DENND2B: variants seen among roughly 807,000 people sequenced by gnomAD.
DENND2B encodes the protein DENN domain-containing protein 2B.
A neutral mutation model predicts 116.0 loss-of-function variants in DENND2B; 32 were observed. The ratio of observed to expected loss-of-function variants is 0.28; its 90% CI spans 0.21 to 0.37. The LOEUF (loss-of-function observed/expected upper bound fraction) is 0.37, where lower values mean the gene tolerates loss of function less well. DENND2B is among the 10% of genes least tolerant of loss of function. DENND2B has a pLI of 1.00. For synonymous variants in DENND2B, 588 were observed against 583.9 expected (o/e 1.01, Z -0.10); for missense variants, 1,276 against 1,477.7 (o/e 0.86, Z 2.24).
intron 2 of DENND2B, among the ~76,000 whole-genome samples, chr11:8,734,574 G>C (rs540920776): frequency 6.6e-6 from 1 of 152,008 alleles, no homozygotes; most frequent in Non-Finnish European, 1.5e-5. Flanking sequence ...GATGACCTGA[G>C]GTCAGGAGTT....
At chr11:8,815,949 G>A (rs543243184) in intron 4 of DENND2B, among the ~76,000 whole-genome samples, 1 of 152,308 alleles carries the variant, frequency 6.6e-6, no homozygotes, top group East Asian at 1.9e-4. Flanking sequence ...ATACATATAT[G>A]TAAATCGGAT....
At position 8,711,417 on chromosome 11, in the gene DENND2B, C is replaced by T. The variant is rs555105175; in HGVS notation, c.2173-186G>A. Among the ~76,000 whole-genome samples, 5 of 152,254 alleles carry T rather than the reference C, an allele frequency of 3.3e-5. No homozygotes were observed. In the East Asian group the frequency reaches 9.7e-4, roughly 29 times the overall value. On this transcript the variant is annotated intron_variant, in intron 9 of 19. Transcript: ENST00000313726. ...CATTCATTCATTCAATAAATGCCAG[C>T]GGAGTGCTTTCTATATGGCATCTGA...
intron 1 of DENND2B, among the ~76,000 whole-genome samples, chr11:8,750,995 C>G (rs569645145): frequency 6.6e-6 from 1 of 152,188 alleles, no homozygotes; most frequent in Non-Finnish European, 1.5e-5. Flanking sequence ...ACACACCAAT[C>G]AGCACCCTAT....
rs1284595050 is a variant in DENND2B, at chr11:8,702,532, T to TC, written c.2720+39dup. ...TGCTGATTCGCTTGTGGGTGTGCCT[T>TC]CCCCCCTCCCTTCTGCTTTCTTGCC... On this transcript the variant is annotated intron_variant, in intron 14 of 19. Transcript: ENST00000313726. The surrounding 1 kb of genome is among the most constrained non-coding windows in gnomAD (Gnocchi z 4.6). The TC allele has an allele frequency of 8.1e-6, 13 of 1,605,548 alleles. No individual in the cohort carries two copies. The highest frequency in any genetic ancestry group is 1.0e-5 in the Non-Finnish European group (12 of 1,179,734).
In DENND2B at chr11:8,698,945, T is replaced by A; in HGVS notation, c.2928A>T (p.Arg976=). ...CCCACCCTCTTACCTGTCGGATGAA[T>A]CGGTCAGATCCCAGATTCACCATCA... ...EALMVNLGSD[R]FIRQMDDEDT... Residue 976 remains arginine (R), a synonymous_variant, in exon 16 of 20, where the codon CGA becomes CGT. Coordinates refer to ENST00000313726, the MANE Select transcript of DENND2B (RefSeq NM_213618.2). The A allele has an allele frequency of 6.2e-7, 1 of 1,614,170 alleles. No individual in the cohort carries two copies. The highest frequency in any genetic ancestry group is 8.5e-7 in the Non-Finnish European group (1 of 1,180,034).
chr11:8,757,370 C>A (rs1312921458), intron 1 of DENND2B, among the ~76,000 whole-genome samples: 1 of 152,176 alleles, frequency 6.6e-6, no homozygotes, highest in African/African-American at 2.4e-5. Flanking sequence ...TACTATCATT[C>A]CATTCACTGA....
rs185363387 is a variant in DENND2B, at chr11:8,906,992, C to T, written c.-256+3829G>A. Among the ~76,000 whole-genome samples, 366 of 152,148 alleles carry T rather than the reference C, an allele frequency of 2.4e-3. 2 individuals carry two copies. The highest frequency in any genetic ancestry group is 8.6e-3 in the African/African-American group (356 of 41,536). On this transcript the variant is annotated intron_variant, in intron 1 of 22. Transcript: ENST00000534127. ...ATCCTGGGTTTTTAACCCTTTTTGG[C>T]CCCCTTCACATAAAGAAAAGGAATT...
chr11:8,726,316 C>T (rs1463898335), intron 3 of DENND2B, 107 bp from the exon 4 acceptor site: 1 of 1,438,640 alleles, frequency 7.0e-7, no homozygotes. Context: ...CTTACAAAGG[C>T]AGCTTCTGAA....
At chr11:8,753,046 G>C (rs1348726652) in intron 1 of DENND2B, among the ~76,000 whole-genome samples, 2 of 152,130 alleles carry the variant, frequency 1.3e-5, no homozygotes, top group Non-Finnish European at 2.9e-5. Context: ...AGACCAGCCT[G>C]GCCAACATGG....
intron 1 of DENND2B, among the ~76,000 whole-genome samples, chr11:8,791,400 A>G (rs2059364178): frequency 6.6e-6 from 1 of 152,242 alleles, no homozygotes; most frequent in Admixed American, 6.5e-5. Flanking sequence ...AGGATTAGGA[A>G]TCAGAAGACT....
chr11:8,888,502 A>G (rs1317209920), intron 1 of DENND2B, among the ~76,000 whole-genome samples: 1 of 152,234 alleles, frequency 6.6e-6, no homozygotes, highest in Non-Finnish European at 1.5e-5. Flanking sequence ...CAAAGCTTCA[A>G]AACGTTGAAT....
chr11:8,730,398 G>C lies in DENND2B; in HGVS notation c.892C>G (p.Arg298Gly). The change falls in exon 3 of 20, where the codon CGG becomes GGG. Residue 298 changes from arginine to glycine, a missense_variant. Coordinates refer to ENST00000313726, the MANE Select transcript of DENND2B (RefSeq NM_213618.2). This position sits in a 1 kb window ranked among gnomAD's most constrained non-coding sequence, Gnocchi z 4.1. ...IEQVLKEQPG[R>G]GLPQLPSSCY... ...CTGCTGGGGAGCTGGGGGAGCCCCC[G>C]GCCCGGCTGCTCCTTCAGGACCTGT... is the stretch of plus-strand genomic sequence containing the variant. 1 of 1,605,976 alleles carries C rather than the reference G, an allele frequency of 6.2e-7. No individual in the cohort carries two copies. The highest frequency in any genetic ancestry group is 8.5e-7 in the Non-Finnish European group (1 of 1,179,950).
At chr11:8,884,349 T>C (rs2063936968) in intron 1 of DENND2B, among the ~76,000 whole-genome samples, 1 of 152,164 alleles carries the variant, frequency 6.6e-6, no homozygotes, top group South Asian at 2.1e-4. Context: ...TTTTGTTTTT[T>C]TGAGACAGGA....
Position 8,730,758 on chromosome 11 carries a change from A to G in DENND2B, c.532T>C (p.Ser178Pro). The change falls in exon 3 of 20, where the codon TCG becomes CCG. Residue 178 changes from serine to proline, a missense_variant. Coordinates refer to ENST00000313726, the MANE Select transcript of DENND2B (RefSeq NM_213618.2). This position sits in a 1 kb window ranked among gnomAD's most constrained non-coding sequence, Gnocchi z 4.1. ...ISAWEGRREA[S>P]PRMSMCGEKR... ...TCTCCACACATGCTCATCCTGGGCG[A>G]CGCCTCTCGGCGACCTTCCCATGCT... 2 of 1,612,610 alleles carry G rather than the reference A, an allele frequency of 1.2e-6. No homozygotes were observed. The highest frequency in any genetic ancestry group is 2.2e-5 in the South Asian group (2 of 91,074).
At chr11:8,819,877 T>G (rs2061698755) in intron 4 of DENND2B, among the ~76,000 whole-genome samples, 1 of 152,258 alleles carries the variant, frequency 6.6e-6, no homozygotes, top group South Asian at 2.1e-4. Flanking sequence ...TCCCAGTAAG[T>G]CTATATCAAT....
intron 4 of DENND2B, among the ~76,000 whole-genome samples, chr11:8,834,327 AGCTTTAAATTAGAC>A (rs2062334037): frequency 6.6e-6 from 1 of 152,256 alleles, no homozygotes; most frequent in Non-Finnish European, 1.5e-5. Context: ...AAAGGTCTGT[AGCTTTAAATTAGAC>A]GCTTTCCATC....
intron 2 of DENND2B, among the ~76,000 whole-genome samples, chr11:8,747,625 T>C (rs534164420): frequency 2.0e-5 from 3 of 152,294 alleles, no homozygotes; most frequent in Admixed American, 1.3e-4. Flanking sequence ...CAGCCATATC[T>C]TGTGAGCTGA....
chr11:8,867,287 T>C (rs1262920051), intron 2 of DENND2B, among the ~76,000 whole-genome samples: 1 of 152,210 alleles, frequency 6.6e-6, no homozygotes, highest in Admixed American at 6.5e-5. Flanking sequence ...AGGGCCTGGC[T>C]ATAAATGTGG....
chr11:8,868,328 C>T (rs1254194970), intron 2 of DENND2B, among the ~76,000 whole-genome samples: 1 of 152,234 alleles, frequency 6.6e-6, no homozygotes, highest in Non-Finnish European at 1.5e-5. Context: ...ACATAGATGT[C>T]ACCTTAATCT....
Sources: gnomAD v4.1 joint callset for allele counts (sites outside exome capture counted in the v4.1 genomes callset) on GRCh38, gnomAD v4.1.1 for gene constraint, Gnocchi (gnomAD v3.1) non-coding constraint, MANE v1.5 for transcripts, NCBI Gene and HGNC (gene_info 2026-07-23, HGNC 2026-07-21) for gene names.